The following CORO2B variants were observed in gnomAD, a reference collection of about 807,000 sequenced individuals.
CORO2B encodes the protein coronin-2B.
CORO2B carries 26 observed loss-of-function variants against 58.8 expected under a neutral mutation model. The ratio of observed to expected loss-of-function variants is 0.44; its 90% CI spans 0.32 to 0.61. The LOEUF (loss-of-function observed/expected upper bound fraction) is 0.61. Ranked by LOEUF, CORO2B falls within the 20% of genes least tolerant of loss-of-function variation. The pLI, the probability that CORO2B is intolerant of heterozygous loss-of-function variation, is 0.04. For synonymous variants in CORO2B, 242 were observed against 253.8 expected (o/e 0.95, Z 0.44); for missense variants, 460 against 645.1 (o/e 0.71, Z 3.11).
chr15:68,648,712 A>G (rs1249749296), intron 2 of CORO2B, among the ~76,000 whole-genome samples: 2 of 152,228 alleles, frequency 1.3e-5, no homozygotes, highest in African/African-American at 4.8e-5. Context: ...ATGAATAAGC[A>G]ATTCACAGAA....
At chr15:68,552,607 A>T in the CORO2B span, among the ~76,000 whole-genome samples, 3 of 152,114 alleles carry the variant, frequency 2.0e-5, no homozygotes, top group African/African-American at 7.2e-5. Context: ...AGCTGGCTGG[A>T]GCCATGTCCT....
chr15:68,714,522 G>A, intron 6 of CORO2B, 37 bp from the exon 7 acceptor site: 1 of 1,544,570 alleles, frequency 6.5e-7, no homozygotes, highest in Non-Finnish European at 9.0e-7. Context: ...ATGCCATCCT[G>A]CCTGCAGAGA....
At chr15:68,535,808 T>G in the CORO2B span, among the ~76,000 whole-genome samples, 1 of 152,210 alleles carries the variant, frequency 6.6e-6, no homozygotes, top group Admixed American at 6.5e-5. Context: ...CATCGTTTGA[T>G]TCTGGAAACT....
At chr15:68,575,124 T>C (rs970001260), upstream of CORO2B, among the ~76,000 whole-genome samples, 2 of 152,084 alleles carry the variant, frequency 1.3e-5, no homozygotes, top group African/African-American at 4.8e-5. Context: ...CAGGACATTC[T>C]CTGAAGCTGA....
Position 68,591,500 on chromosome 15 carries a change from C to T in CORO2B, c.15+12223C>T, listed in dbSNP as rs552211345. ...TTCATTGTGTGGTGTTGCTGGGAGT[C>T]CTAGAGGGGCTTTAAGCAAAGGAGT... On this transcript the variant is annotated intron_variant, in intron 1 of 11. Transcript: ENST00000261861. 4.6e-4 allele frequency among the ~76,000 whole-genome samples: 70 copies of T among 152,270 alleles called. 1 individual carries two copies. The South Asian group carries it at 0.014, about 31-fold the overall frequency.
intron 1 of CORO2B, among the ~76,000 whole-genome samples, chr15:68,631,274 A>G (rs1900819718): frequency 6.6e-6 from 1 of 152,228 alleles, no homozygotes. Flanking sequence ...ATTGTGAGGA[A>G]GACCAAGAGG....
chr15:68,579,334 T>A (rs1274855328), intron 1 of CORO2B, 57 bp downstream of exon 1: 2 of 1,244,064 alleles, frequency 1.6e-6, no homozygotes, highest in African/African-American at 3.2e-5. Flanking sequence ...TCCCCCGGGC[T>A]AGGCTGCGGG....
chr15:68,569,876 A>T, the CORO2B span, among the ~76,000 whole-genome samples: 2 of 152,226 alleles, frequency 1.3e-5, no homozygotes, highest in African/African-American at 4.8e-5. Context: ...AGGCTTGCCC[A>T]GGGAGTGGCA....
chr15:68,637,271 A>G (rs1901059008), intron 1 of CORO2B, among the ~76,000 whole-genome samples: 1 of 152,174 alleles, frequency 6.6e-6, no homozygotes, highest in Non-Finnish European at 1.5e-5. Context: ...CCTGGAGTCC[A>G]CTGGGAATTA....
At chr15:68,527,093 C>T in the CORO2B span, among the ~76,000 whole-genome samples, 2 of 152,222 alleles carry the variant, frequency 1.3e-5, no homozygotes, top group Non-Finnish European at 2.9e-5. Flanking sequence ...CAGTAGAAAC[C>T]AAACCTGCCA....
chr15:68,693,721 C>T (rs1567011315), intron 2 of CORO2B, among the ~76,000 whole-genome samples: 1 of 152,218 alleles, frequency 6.6e-6, no homozygotes, highest in Non-Finnish European at 1.5e-5. Flanking sequence ...TACTGGGTAC[C>T]AGACCTGTAA....
At chr15:68,636,940 G>A (rs1901049691) in intron 1 of CORO2B, among the ~76,000 whole-genome samples, 1 of 152,222 alleles carries the variant, frequency 6.6e-6, no homozygotes, top group African/African-American at 2.4e-5. Context: ...TTGATATGTG[G>A]TTAGTCTAAC....
chr15:68,568,068 T>C, the CORO2B span, among the ~76,000 whole-genome samples: 1 of 152,184 alleles, frequency 6.6e-6, no homozygotes, highest in African/African-American at 2.4e-5. Context: ...TCATTTGTTA[T>C]TGTGAGGCCA....
At chr15:68,693,631 G>C (rs1892439751) in intron 2 of CORO2B, among the ~76,000 whole-genome samples, 1 of 152,138 alleles carries the variant, frequency 6.6e-6, no homozygotes, top group African/African-American at 2.4e-5. Flanking sequence ...ACATGGAACA[G>C]CTCTTCCACA....
chr15:68,541,775 G>A, the CORO2B span, among the ~76,000 whole-genome samples: 1 of 152,178 alleles, frequency 6.6e-6, no homozygotes, highest in South Asian at 2.1e-4. Context: ...GGCTCATGGG[G>A]CTTCCTCACA....
chr15:68,709,719 G>A (rs78238127), intron 3 of CORO2B, among the ~76,000 whole-genome samples: 2 of 151,878 alleles, frequency 1.3e-5, no homozygotes, highest in African/African-American at 4.8e-5. Context: ...CTAAATTATA[G>A]TCACATGTGC....
At chr15:68,722,028 C>G (rs2140336236) in intron 11 of CORO2B, among the ~76,000 whole-genome samples, 1 of 152,312 alleles carries the variant, frequency 6.6e-6, no homozygotes, top group South Asian at 2.1e-4. Context: ...GCTGGGATTA[C>G]AGTCATGAGA....
chr15:68,632,784 GT>G (rs1220495102), intron 1 of CORO2B, among the ~76,000 whole-genome samples: 1 of 152,104 alleles, frequency 6.6e-6, no homozygotes, highest in African/African-American at 2.4e-5. Flanking sequence ...TAGAGATGGG[GT>G]TTTGCCACGT....
At chr15:68,601,681 T>G (rs1016807348) in intron 1 of CORO2B, among the ~76,000 whole-genome samples, 1 of 152,090 alleles carries the variant, frequency 6.6e-6, no homozygotes, top group African/African-American at 2.4e-5. Flanking sequence ...GTCAAGGGAA[T>G]GGCTGTGTGT....
Sources: allele counts gnomAD v4.1 joint callset (sites outside exome capture counted in the v4.1 genomes callset), GRCh38; gene constraint gnomAD v4.1.1; transcripts MANE v1.5; gene names NCBI Gene and HGNC (gene_info 2026-07-23, HGNC 2026-07-21).